MAGI1: variants seen among roughly 807,000 people sequenced by gnomAD.
The protein encoded by MAGI1 is membrane associated guanylate kinase, WW and PDZ domain containing 1, also known as membrane-associated guanylate kinase, WW and PDZ domain-containing protein 1.
MAGI1 carries 58 observed loss-of-function variants against 139.9 expected under a neutral mutation model. The ratio of observed to expected loss-of-function variants is 0.41; its 90% CI spans 0.34 to 0.52. The LOEUF (loss-of-function observed/expected upper bound fraction) is 0.52, where lower values mean the gene tolerates loss of function less well. MAGI1 is among the 20% of genes least tolerant of loss of function. MAGI1 has a pLI of 0.12. For missense variants in MAGI1, 1,874 were observed against 1,901.6 expected (o/e 0.99, Z 0.27); for synonymous variants, 812 against 737.9 (o/e 1.10, Z -1.63).
intron 1 of MAGI1, among the ~76,000 whole-genome samples, chr3:65,843,408 C>T (rs1313678640): frequency 6.6e-6 from 1 of 152,156 alleles, no homozygotes; most frequent in Non-Finnish European, 1.5e-5. Flanking sequence ...ACCTGAAGCT[C>T]AGGATCCCAA....
chr3:65,816,639 A>G (rs200864803), intron 1 of MAGI1, among the ~76,000 whole-genome samples: 13 of 22,184 alleles, frequency 5.9e-4, no homozygotes, highest in Admixed American at 1.2e-3. Context: ...CTAACAGGGG[A>G]AAAAAAAAAA....
intron 2 of MAGI1, among the ~76,000 whole-genome samples, chr3:65,605,249 C>T (rs2082682572): frequency 6.6e-6 from 1 of 152,134 alleles, no homozygotes; most frequent in South Asian, 2.1e-4. Flanking sequence ...CTGGTATCAT[C>T]CTTTTGTATT....
chr3:65,563,644 A>G (rs1312637009), intron 2 of MAGI1, among the ~76,000 whole-genome samples: 3 of 152,184 alleles, frequency 2.0e-5, no homozygotes, highest in African/African-American at 7.2e-5. Context: ...TGGACCAAAC[A>G]GTCAAATCAG....
chr3:66,034,800 TTGAG>T (rs2068826447), intron 1 of MAGI1, among the ~76,000 whole-genome samples: 1 of 152,116 alleles, frequency 6.6e-6, no homozygotes, highest in African/African-American at 2.4e-5. Flanking sequence ...AAATATTTTG[TTGAG>T]TAACAAAAGC....
At chr3:65,602,249 C>T (rs1221421170) in intron 2 of MAGI1, among the ~76,000 whole-genome samples, 5 of 152,126 alleles carry the variant, frequency 3.3e-5, no homozygotes, top group Non-Finnish European at 7.4e-5. Flanking sequence ...AAAACATATA[C>T]ATGAATGTTA....
intron 1 of MAGI1, chr3:65,925,396 C>A (rs1196159668): frequency 1.3e-5 from 2 of 152,048 alleles, no homozygotes; most frequent in African/African-American, 4.8e-5. Context: ...GGGCACCTTG[C>A]CCAGATTTGA....
intron 1 of MAGI1, among the ~76,000 whole-genome samples, chr3:65,697,699 A>C (rs2107596620): frequency 8.9e-6 from 1 of 112,370 alleles, no homozygotes; most frequent in African/African-American, 4.3e-5. Context: ...AACTCTCAAT[A>C]AATTAGGTAT....
At chr3:65,716,539 C>T (rs1400200771) in intron 1 of MAGI1, among the ~76,000 whole-genome samples, 1 of 152,300 alleles carries the variant, frequency 6.6e-6, no homozygotes, top group Non-Finnish European at 1.5e-5. Flanking sequence ...TGGGGAACAG[C>T]AATTCCTTTC....
intron 1 of MAGI1, among the ~76,000 whole-genome samples, chr3:65,754,958 A>ATT (rs11352075): frequency 4.1e-5 from 6 of 148,122 alleles, no homozygotes; most frequent in African/African-American, 1.5e-4. Flanking sequence ...TATTTTTTAA[A>ATT]TTTTTTTTTT....
intron 1 of MAGI1, among the ~76,000 whole-genome samples, chr3:65,650,748 T>C (rs1261414721): frequency 6.6e-6 from 1 of 152,188 alleles, no homozygotes; most frequent in African/African-American, 2.4e-5. Context: ...AGTCCAGATT[T>C]TCAGGTCCTG....
Position 65,429,848 on chromosome 3 carries a change from T to C in MAGI1, c.1839A>G (p.Pro613=). The change falls in exon 12 of 23, where the codon CCA becomes CCG. Residue 613 remains proline (P), a synonymous_variant. Coordinates refer to ENST00000402939, the MANE Select transcript of MAGI1 (RefSeq NM_001033057.2). ...NGMKDARPSS[P]ADVASNSSHG... is the part of the protein sequence containing the mutation. ...GAGAACTATTTGAAGCCACGTCCGC[T>C]GGGCTGCTTGGCCTGGCATCCTTCA... 3.7e-6 allele frequency: 6 copies of C among 1,614,072 alleles called. No individual in the cohort carries two copies. The highest frequency in any genetic ancestry group is 1.1e-5 in the South Asian group (1 of 91,080).
chr3:65,598,519 T>C (rs560509832), intron 2 of MAGI1, among the ~76,000 whole-genome samples: 2 of 152,212 alleles, frequency 1.3e-5, no homozygotes, highest in Admixed American at 6.5e-5. Context: ...GGAATTCCAA[T>C]AGATAATAAC....
intron 1 of MAGI1, among the ~76,000 whole-genome samples, chr3:65,990,062 T>C (rs1200495146): frequency 6.6e-6 from 1 of 151,988 alleles, no homozygotes; most frequent in Non-Finnish European, 1.5e-5. Context: ...AGAGATCTGA[T>C]GATGATGATG....
At chr3:65,783,902 C>T (rs2039159414) in intron 1 of MAGI1, among the ~76,000 whole-genome samples, 1 of 152,028 alleles carries the variant, frequency 6.6e-6, no homozygotes, top group Non-Finnish European at 1.5e-5. Flanking sequence ...GCAGATGGAC[C>T]ACCTGAGGTC....
intron 1 of MAGI1, chr3:65,873,417 C>T (rs566151870): frequency 2.0e-5 from 3 of 152,348 alleles, no homozygotes; most frequent in South Asian, 2.1e-4. Context: ...TTAATTCCTA[C>T]TGCTTATTTT....
chr3:65,525,250 G>C (rs910999239), intron 2 of MAGI1, among the ~76,000 whole-genome samples: 15 of 152,138 alleles, frequency 9.9e-5, no homozygotes, highest in African/African-American at 2.9e-4. Context: ...CACATGCTGA[G>C]CAGAGGAGTA....
chr3:65,582,801 G>C (rs1468180144), intron 2 of MAGI1, among the ~76,000 whole-genome samples: 1 of 152,172 alleles, frequency 6.6e-6, no homozygotes, highest in Non-Finnish European at 1.5e-5. Flanking sequence ...TTCCATGAAT[G>C]TGTGTTTTCC....
At chr3:65,414,787 A>G (rs1946060761) in intron 12 of MAGI1, among the ~76,000 whole-genome samples, 1 of 151,662 alleles carries the variant, frequency 6.6e-6, no homozygotes, top group Non-Finnish European at 1.5e-5. Context: ...TAATCCCAGT[A>G]CCTTGGGAGG....
chr3:65,479,911 A>C (rs978463106), intron 3 of MAGI1, among the ~76,000 whole-genome samples: 1 of 152,162 alleles, frequency 6.6e-6, no homozygotes, highest in African/African-American at 2.4e-5. Flanking sequence ...CTACATAATA[A>C]AAGACATCAA....
Sources: gnomAD v4.1 joint callset for allele counts (sites outside exome capture counted in the v4.1 genomes callset) on GRCh38, gnomAD v4.1.1 for gene constraint, MANE v1.5 for transcripts, NCBI Gene and HGNC (gene_info 2026-07-23, HGNC 2026-07-21) for gene names.